The following NDST3 variants were observed in gnomAD, a reference collection of about 807,000 sequenced individuals.
NDST3 encodes N-deacetylase and N-sulfotransferase 3.
NDST3 carries 58 observed loss-of-function variants against 96.1 expected under a neutral mutation model. That is an observed-to-expected ratio of 0.60 (90% CI 0.49 to 0.75). NDST3 has a LOEUF of 0.75. Ranked by LOEUF, NDST3 falls within the 30% of genes least tolerant of loss-of-function variation. NDST3 has a pLI of 0.00. For synonymous variants in NDST3, 333 were observed against 359.7 expected (o/e 0.93, Z 0.84); for missense variants, 788 against 1,034.2 (o/e 0.76, Z 3.27).
intron 6 of NDST3, among the ~76,000 whole-genome samples, chr4:118,170,020 C>T (rs1193974392): frequency 6.6e-6 from 1 of 152,120 alleles, no homozygotes; most frequent in Admixed American, 6.5e-5. Context: ...AAGGCTCCAT[C>T]AAGTGTTGCA....
chr4:118,090,815 T>C (rs1319027191), intron 2 of NDST3, among the ~76,000 whole-genome samples: 2 of 151,888 alleles, frequency 1.3e-5, no homozygotes, highest in African/African-American at 4.8e-5. Context: ...TCTAGCAGAA[T>C]TTCAGACAAA....
chr4:118,144,249 C>A (rs1184494529), intron 6 of NDST3, among the ~76,000 whole-genome samples: 1 of 151,770 alleles, frequency 6.6e-6, no homozygotes, highest in East Asian at 1.9e-4. Context: ...GGCGCCATCT[C>A]GGCTCACTGC....
At chr4:118,123,265 G>T (rs1244245750) in intron 4 of NDST3, among the ~76,000 whole-genome samples, 1 of 152,080 alleles carries the variant, frequency 6.6e-6, no homozygotes, top group Non-Finnish European at 1.5e-5. Flanking sequence ...TATGCTTTCA[G>T]AAATATTAAA....
chr4:118,053,048 A>G (rs369221077), intron 1 of NDST3, among the ~76,000 whole-genome samples: 1 of 152,030 alleles, frequency 6.6e-6, no homozygotes, highest in East Asian at 1.9e-4. Flanking sequence ...GCTCTTCTCC[A>G]AGAGTATATG....
chr4:118,086,567 C>T (rs574999734), intron 2 of NDST3, among the ~76,000 whole-genome samples: 28 of 152,256 alleles, frequency 1.8e-4, no homozygotes, highest in Non-Finnish European at 3.7e-4. Flanking sequence ...AATCTGCCAA[C>T]CATCTTGGCC....
chr4:118,222,494 G>C (rs1165348703), intron 6 of NDST3, among the ~76,000 whole-genome samples: 1 of 151,974 alleles, frequency 6.6e-6, no homozygotes. Flanking sequence ...TCTCAGGCTT[G>C]AGTACAGAGT....
chr4:118,178,798 C>T (rs764727270), intron 6 of NDST3, among the ~76,000 whole-genome samples: 7 of 152,010 alleles, frequency 4.6e-5, no homozygotes, highest in Non-Finnish European at 8.8e-5. Context: ...ACATTCCCAC[C>T]ATCAGTGCAC....
intron 2 of NDST3, among the ~76,000 whole-genome samples, chr4:118,093,901 T>G (rs1729085246): frequency 6.6e-6 from 1 of 151,824 alleles, no homozygotes; most frequent in Admixed American, 6.6e-5. Flanking sequence ...CTAGTAAGGG[T>G]TAAGTGTCTC....
Position 118,235,048 on chromosome 4 carries a change from G to GGAAGGAAGGAAGAAAA in NDST3, c.1943+1925_1943+1926insAAAAGAAGGAAGGAAG, listed in dbSNP as rs1740547012. 2.3e-5 allele frequency among the ~76,000 whole-genome samples: 3 copies of GGAAGGAAGGAAGAAAA among 127,722 alleles called. No homozygotes were observed. The South Asian group carries it at 7.7e-4, about 33-fold the overall frequency. The allele number at this position is 127,722 out of a possible 152,430, so 83.8% of individuals were successfully genotyped here. A position where few individuals can be genotyped will look rare whatever the true frequency, so the allele number is the denominator to read the frequency against. On this transcript the variant is annotated intron_variant, in intron 9 of 13. Transcript: ENST00000296499. ...CCATCAAAAAAAAAAGAAAAAAAAA[G>GGAAGGAAGGAAGAAAA]GAAGGAAGGAAGGAAGGACTGACTC...
intron 2 of NDST3, among the ~76,000 whole-genome samples, chr4:118,086,325 A>G (rs1428366224): frequency 6.6e-6 from 1 of 152,210 alleles, no homozygotes; most frequent in Non-Finnish European, 1.5e-5. Context: ...CTAGCAATGT[A>G]GTAAAATCTT....
intron 2 of NDST3, among the ~76,000 whole-genome samples, chr4:118,092,276 G>A (rs1728943936): frequency 6.6e-6 from 1 of 151,156 alleles, no homozygotes; most frequent in African/African-American, 2.4e-5. Flanking sequence ...CACTTGCCAA[G>A]GGGAAAAGTT....
chr4:118,045,139 C>T (rs551045781), intron 1 of NDST3, among the ~76,000 whole-genome samples: 106 of 152,294 alleles, frequency 7.0e-4, no homozygotes, highest in African/African-American at 2.4e-3. Flanking sequence ...TCCTCCCACT[C>T]ATTATTCATC....
At chr4:118,229,072 G>A (rs10004528) in intron 8 of NDST3, among the ~76,000 whole-genome samples, 63 of 151,994 alleles carry the variant, frequency 4.1e-4, no homozygotes, top group African/African-American at 1.4e-3. Flanking sequence ...AGACCAAGGC[G>A]GGTGGATCAC....
intron 12 of NDST3, among the ~76,000 whole-genome samples, chr4:118,246,981 T>C (rs937837281): frequency 2.0e-5 from 3 of 152,180 alleles, no homozygotes; most frequent in Non-Finnish European, 2.9e-5. Context: ...GCATAATATA[T>C]GGCCACTTTG....
chr4:118,037,090 G>A (rs572466713), intron 1 of NDST3, among the ~76,000 whole-genome samples: 1 of 152,226 alleles, frequency 6.6e-6, no homozygotes, highest in East Asian at 1.9e-4. Flanking sequence ...CTCCCTTGCT[G>A]GCTCTGGGGC....
chr4:118,071,706 A>G (rs1389425409), intron 2 of NDST3, among the ~76,000 whole-genome samples: 6 of 152,162 alleles, frequency 3.9e-5, no homozygotes, highest in Non-Finnish European at 8.8e-5. Flanking sequence ...ACTATTGTGA[A>G]TAGTGCTGCC....
intron 6 of NDST3, among the ~76,000 whole-genome samples, chr4:118,171,452 A>G (rs923151543): frequency 2.0e-5 from 3 of 152,168 alleles, no homozygotes; most frequent in African/African-American, 4.8e-5. Flanking sequence ...GGCATTTCCT[A>G]TCATAACTCA....
intron 2 of NDST3, among the ~76,000 whole-genome samples, chr4:118,071,901 C>G (rs1334565246): frequency 6.6e-6 from 1 of 152,112 alleles, no homozygotes; most frequent in Non-Finnish European, 1.5e-5. Flanking sequence ...TTCAACCTCA[C>G]CAGCATCTTT....
At chr4:118,250,142 A>G (rs1041180554) in intron 12 of NDST3, among the ~76,000 whole-genome samples, 1 of 152,204 alleles carries the variant, frequency 6.6e-6, no homozygotes, top group African/African-American at 2.4e-5. Context: ...TTTTTTGGCT[A>G]TCACGAACAA....
Sources: allele counts gnomAD v4.1 joint callset (sites outside exome capture counted in the v4.1 genomes callset), GRCh38; gene constraint gnomAD v4.1.1; transcripts MANE v1.5; gene names NCBI Gene and HGNC (gene_info 2026-07-23, HGNC 2026-07-21).